ELOVL7: variants seen among roughly 807,000 people sequenced by gnomAD.
ELOVL7 encodes very long chain fatty acid elongase 7.
A neutral mutation model predicts 35.7 loss-of-function variants in ELOVL7; 27 were observed. That is an observed-to-expected ratio of 0.76 (90% CI 0.56 to 1.04). The LOEUF (loss-of-function observed/expected upper bound fraction) is 1.04. Ranked by LOEUF, ELOVL7 falls within the 50% of genes least tolerant of loss-of-function variation. ELOVL7 has a pLI of 0.00. For missense variants in ELOVL7, 327 were observed against 340.8 expected (o/e 0.96, Z 0.32); for synonymous variants, 113 against 114.6 (o/e 0.99, Z 0.09).
At chr5:60,763,768 G>A (rs1263826652) in intron 7 of ELOVL7, among the ~76,000 whole-genome samples, 1 of 152,134 alleles carries the variant, frequency 6.6e-6, no homozygotes. Context: ...CATCTTTAAA[G>A]AGCTATTAGG....
intron 7 of ELOVL7, among the ~76,000 whole-genome samples, chr5:60,762,975 A>G (rs1227228041): frequency 6.6e-6 from 1 of 152,196 alleles, no homozygotes; most frequent in Non-Finnish European, 1.5e-5. Context: ...CAATATGCAT[A>G]TAAGGGGAAA....
At chr5:60,833,111 T>G (rs985581792) in intron 1 of ELOVL7, among the ~76,000 whole-genome samples, 9 of 152,162 alleles carry the variant, frequency 5.9e-5, no homozygotes, top group African/African-American at 2.2e-4. Context: ...ATCCAAGAGC[T>G]TCAAAAATTC....
At chr5:60,816,859 T>C (rs539644711) in intron 1 of ELOVL7, among the ~76,000 whole-genome samples, 1 of 152,186 alleles carries the variant, frequency 6.6e-6, no homozygotes, top group Non-Finnish European at 1.5e-5. Context: ...AAATTTCAGA[T>C]AAATACAAAA....
intron 1 of ELOVL7, among the ~76,000 whole-genome samples, chr5:60,801,969 G>T (rs1483480332): frequency 6.6e-6 from 1 of 151,198 alleles, no homozygotes; most frequent in East Asian, 1.9e-4. Flanking sequence ...CTTGGACTGA[G>T]TGACACTACT....
chr5:60,843,396 C>G (rs1189227004), intron 1 of ELOVL7: 1 of 152,002 alleles, frequency 6.6e-6, no homozygotes, highest in Non-Finnish European at 1.5e-5. Flanking sequence ...CCTGGGAAAG[C>G]CCATTTCCCA....
At chr5:60,773,898 G>C (rs955535997) in intron 3 of ELOVL7, among the ~76,000 whole-genome samples, 1 of 152,260 alleles carries the variant, frequency 6.6e-6, no homozygotes, top group African/African-American at 2.4e-5. Flanking sequence ...GAATTGCCAC[G>C]ATGGGAATGG....
chr5:60,805,398 T>C (rs1484454976), intron 1 of ELOVL7, among the ~76,000 whole-genome samples: 1 of 152,128 alleles, frequency 6.6e-6, no homozygotes, highest in Non-Finnish European at 1.5e-5. Flanking sequence ...ACAGGAAAGG[T>C]AGATTACAGT....
intron 1 of ELOVL7, among the ~76,000 whole-genome samples, chr5:60,808,946 G>T (rs777636339): frequency 3.3e-5 from 5 of 152,334 alleles, no homozygotes; most frequent in Non-Finnish European, 7.3e-5. Context: ...GTCAGAAGTT[G>T]CTGGGGTTGG....
chr5:60,829,930 T>C (rs1262036725), intron 1 of ELOVL7, among the ~76,000 whole-genome samples: 1 of 152,252 alleles, frequency 6.6e-6, no homozygotes, highest in African/African-American at 2.4e-5. Context: ...AAAAAGTTTA[T>C]TCTACCCTTG....
At chr5:60,769,193 C>A (rs959377692) in intron 4 of ELOVL7, among the ~76,000 whole-genome samples, 1 of 152,126 alleles carries the variant, frequency 6.6e-6, no homozygotes, top group African/African-American at 2.4e-5. Context: ...ATAGATTTTG[C>A]CAAATGAATA....
In ELOVL7 at chr5:60,754,640, T is replaced by C. The variant is rs570407523; in HGVS notation, c.830A>G (p.Lys277Arg). Reference sequence around the variant, plus strand: ...TGTTGGGCTTCAATTATCTTTGTTTTTGCAAGTTCCATTTTTCACAGTTTT... The same window carrying C: ...TGTTGGGCTTCAATTATCTTTGTTTCTGCAAGTTCCATTTTTCACAGTTTT... ...LPKTVKNGTC[K>R]NKDN Residue 277 changes from lysine to arginine, a missense_variant, in exon 9 of 9, where the codon AAA becomes AGA. By Grantham distance (26) the Lys-to-Arg change is conservative. Coordinates refer to ENST00000508821, the MANE Select transcript of ELOVL7 (RefSeq NM_024930.3). 2.5e-5 allele frequency: 40 copies of C among 1,614,178 alleles called. No homozygotes were observed. In the Admixed American group the frequency reaches 6.5e-4, roughly 26 times the overall value.
At chr5:60,761,347 G>T (rs957086047) in intron 7 of ELOVL7, among the ~76,000 whole-genome samples, 1 of 152,200 alleles carries the variant, frequency 6.6e-6, no homozygotes, top group Non-Finnish European at 1.5e-5. Flanking sequence ...TTACCCCATT[G>T]AGGAGTACAA....
intron 1 of ELOVL7, among the ~76,000 whole-genome samples, chr5:60,834,350 T>C (rs1162438423): frequency 1.3e-5 from 2 of 152,228 alleles, no homozygotes; most frequent in East Asian, 3.8e-4. Context: ...TTTCACCGTG[T>C]TAGCCAGGAT....
intron 3 of ELOVL7, among the ~76,000 whole-genome samples, chr5:60,779,219 T>C (rs577872036): frequency 6.6e-6 from 1 of 152,306 alleles, no homozygotes; most frequent in Non-Finnish European, 1.5e-5. Context: ...TCAATGGATC[T>C]AGCATTTTGG....
chr5:60,821,402 AG>A (rs1745879035), intron 1 of ELOVL7, among the ~76,000 whole-genome samples: 1 of 152,170 alleles, frequency 6.6e-6, no homozygotes, highest in African/African-American at 2.4e-5. Flanking sequence ...CTTGCCTAAC[AG>A]CAACCTTTTC....
intron 3 of ELOVL7, 64 bp from the exon 4 acceptor site, chr5:60,772,157 C>G: frequency 9.2e-7 from 1 of 1,091,484 alleles, no homozygotes; most frequent in African/African-American, 1.6e-5. Flanking sequence ...CAGCAACCAA[C>G]ATTTCTTTAA....
rs1743669255 is a variant in ELOVL7 at position 60,787,429 on chromosome 5, GT to G, written c.-33del. 8 of 1,503,344 alleles carry G rather than the reference GT, an allele frequency of 5.3e-6. No individual in the cohort carries two copies. The highest frequency in any genetic ancestry group is 6.3e-6 in the Non-Finnish European group (7 of 1,108,966). The allele number at this position is 1,503,344 out of a possible 1,614,324, so 93.1% of individuals were successfully genotyped here. On this transcript the variant is annotated splice_region_variant and 5_prime_UTR_variant, in exon 3 of 9. Coordinates refer to ENST00000508821, the MANE Select transcript of ELOVL7 (RefSeq NM_024930.3). ...CAGGATTTACTGGCTCTTTTAATGGGTTCTTCAGTAAAATAAAACAGAAATG... is the reference window on the plus strand; with the variant it reads ...CAGGATTTACTGGCTCTTTTAATGGGTCTTCAGTAAAATAAAACAGAAATG...
At position 60,754,276 on chromosome 5, in the gene ELOVL7, A is replaced by C. The variant is rs533570607; in HGVS notation, c.*348T>G. 4.9e-6 allele frequency: 1 copy of C among 205,078 alleles called. No individual in the cohort carries two copies. The highest frequency in any genetic ancestry group is 8.8e-5 in the South Asian group (1 of 11,314). The allele number at this position is 205,078 out of a possible 1,614,324, so 12.7% of individuals were successfully genotyped here. On this transcript the variant is annotated 3_prime_UTR_variant, in exon 9 of 9. Coordinates refer to ENST00000508821, the MANE Select transcript of ELOVL7 (RefSeq NM_024930.3). ...ATCTCCGTCTGTGCTCAAAATACCT[A>C]ATGATATTTTTCATCTTTATTGGAC...
intron 3 of ELOVL7, chr5:60,786,041 TAAGAATCAACCTA>T (rs1743564311): frequency 6.6e-6 from 1 of 152,202 alleles, no homozygotes; most frequent in Non-Finnish European, 1.5e-5. Flanking sequence ...AGTTGATAGG[TAAGAATCAACCTA>T]AAGTAGTGAT....
Sources: gnomAD v4.1 joint callset for allele counts (sites outside exome capture counted in the v4.1 genomes callset) on GRCh38, gnomAD v4.1.1 for gene constraint, MANE v1.5 for transcripts, NCBI Gene and HGNC (gene_info 2026-07-23, HGNC 2026-07-21) for gene names.